The following SLAMF8 variants were observed in gnomAD, a reference collection of about 807,000 sequenced individuals.
SLAMF8 encodes SLAM family member 8.
A neutral mutation model predicts 29.0 loss-of-function variants in SLAMF8; 23 were observed. The observed-to-expected ratio is 0.79, with a 90% CI of 0.57 to 1.13. The LOEUF is 1.13. Ranked by LOEUF, SLAMF8 falls within the 50% of genes most tolerant of loss-of-function variation. The probability of loss-of-function intolerance (pLI) is 0.00; values close to 1 mark genes in which losing one functional copy is unlikely to be tolerated. For synonymous variants in SLAMF8, 139 were observed against 145.6 expected, an observed-to-expected ratio of 0.96 and a Z score of 0.32; for missense variants, 381 against 353.1, an observed-to-expected ratio of 1.08 and a Z score of -0.63.
At position 159,830,013 on chromosome 1, in the gene SLAMF8, T is replaced by C. The variant is rs1488163672; in HGVS notation, c.188T>C (p.Phe63Ser). Residue 63 changes from phenylalanine (F) to serine (S), a missense_variant, in exon 2 of 5, where the codon TTT (phenylalanine) becomes TCT (serine). By Grantham distance (155) the Phe-to-Ser change is radical. Coordinates refer to ENST00000289707, the MANE Select transcript of SLAMF8 (RefSeq NM_020125.3). ...CCTTCAGAAGAGCTCCTGGCCACGTTTTTCCGAGGCTCCCTGGAGACTCTG... is the reference window on the plus strand; with the variant it reads ...CCTTCAGAAGAGCTCCTGGCCACGTCTTTCCGAGGCTCCCTGGAGACTCTG... Reference protein sequence around the residue: ...LWPSEELLATFFRGSLETLYH... With the variant: ...LWPSEELLATSFRGSLETLYH... The C allele has an allele frequency of 6.2e-7, 1 of 1,614,074 alleles. No homozygotes were observed. Among genetic ancestry groups the C allele is most frequent in the East Asian group, 2.2e-5 (1 of 44,890 alleles).
In SLAMF8 at chr1:159,836,328, G is replaced by A; in HGVS notation, c.*1068G>A. The A allele has an allele frequency of 2.0e-6, 2 of 984,216 alleles. No individual in the cohort carries two copies. The highest frequency in any genetic ancestry group is 1.2e-6 in the Non-Finnish European group (1 of 828,824). The allele number at this position is 984,216 out of a possible 1,614,324, so 61.0% of individuals were successfully genotyped here. A position where few individuals can be genotyped will look rare whatever the true frequency, so the allele number is the denominator to read the frequency against. On this transcript the variant is annotated 3_prime_UTR_variant, in exon 5 of 5. Coordinates refer to ENST00000289707, the MANE Select transcript of SLAMF8 (RefSeq NM_020125.3). ...ACAGCCCAACAGCAGGACTGTAGAG[G>A]TCACTCTGACTCCATCAAACTTTTT...
At chr1:159,833,540 T>A (rs1277950171) in intron 4 of SLAMF8, among the ~76,000 whole-genome samples, 171 bp downstream of exon 4, 1 of 152,182 alleles carries the variant, frequency 6.6e-6, no homozygotes, top group East Asian at 1.9e-4. Context: ...CAGACTCAAC[T>A]ACTTGAAGTC....
chr1:159,828,417 G>A (rs867568309), intron 1 of SLAMF8, among the ~76,000 whole-genome samples: 16 of 152,286 alleles, frequency 1.1e-4, no homozygotes, highest in Middle Eastern at 3.4e-3. Context: ...TGAGGCAGAG[G>A]GGGACCGGAA....
chr1:159,827,054 G>A, intron 1 of SLAMF8, 116 bp downstream of exon 1: 1 of 1,296,618 alleles, frequency 7.7e-7, no homozygotes, highest in South Asian at 1.2e-5. Flanking sequence ...AGAAGCTGAG[G>A]GTGGGTAGGA....
intron 1 of SLAMF8, among the ~76,000 whole-genome samples, chr1:159,828,999 G>A (rs571443173): frequency 3.9e-4 from 60 of 152,202 alleles, no homozygotes; most frequent in African/African-American, 1.1e-3. Flanking sequence ...CCTGGGAGCC[G>A]TCCTCGACTC....
At chr1:159,831,348 G>A (rs764734960) in intron 2 of SLAMF8, among the ~76,000 whole-genome samples, 10 of 151,826 alleles carry the variant, frequency 6.6e-5, no homozygotes, top group Non-Finnish European at 1.2e-4. Flanking sequence ...GTCCTTGGGC[G>A]AGCCACTCAG....
intron 1 of SLAMF8, 57 bp from the exon 2 acceptor site, chr1:159,829,809 C>CA (rs11422063): frequency 0.83 from 1,267,390 of 1,530,614 alleles, 526,147 homozygotes; most frequent in African/African-American, 0.97. Flanking sequence ...CAGATGCATG[C>CA]AAAGAAGGAT....
intron 1 of SLAMF8, among the ~76,000 whole-genome samples, 199 bp from the exon 2 acceptor site, chr1:159,829,667 T>C: frequency 6.6e-6 from 1 of 152,242 alleles, no homozygotes; most frequent in East Asian, 1.9e-4. Flanking sequence ...TCTGGCTTCC[T>C]CTGTAAGTTC....
intron 4 of SLAMF8, among the ~76,000 whole-genome samples, chr1:159,834,178 G>A (rs570362866): frequency 1.3e-3 from 191 of 152,324 alleles, no homozygotes; most frequent in Admixed American, 4.1e-3. Context: ...CCAGGCTGTC[G>A]GAGCTGGCTT....
rs1160380834 is a variant in SLAMF8 at position 159,830,423 on chromosome 1, C to T, written c.367+231C>T. Among the ~76,000 whole-genome samples, 3 of 152,346 alleles carry T rather than the reference C, an allele frequency of 2.0e-5. No individual in the cohort carries two copies. In the East Asian group the frequency reaches 5.8e-4, roughly 29 times the overall value. ...GTGCTTGCCTGAACTCTAGCTCAGT[C>T]TTTTCTTGGCTCAGTGGCCTTGGAC... On this transcript the variant is annotated intron_variant, in intron 2 of 4. Transcript: ENST00000289707.
In SLAMF8 at chr1:159,835,992, T is replaced by G. The variant is rs1647900335; in HGVS notation, c.*732T>G. 1 of 985,292 alleles carries G rather than the reference T, an allele frequency of 1.0e-6. No homozygotes were observed. Among genetic ancestry groups the G allele is most frequent in the Admixed American group, 6.2e-5 (1 of 16,252 alleles). 61.0% of individuals were successfully genotyped at this position (985,292 alleles called of 1,614,324 possible). On this transcript the variant is annotated 3_prime_UTR_variant, in exon 5 of 5. Transcript: ENST00000289707. Reference sequence around the variant, plus strand: ...AGACATCCTCACCATCTCCATCCGCTCTCACGCCTCCTGCAGGATCTGGGA... The same window carrying G: ...AGACATCCTCACCATCTCCATCCGCGCTCACGCCTCCTGCAGGATCTGGGA...
At position 159,835,775 on chromosome 1, in the gene SLAMF8, T is replaced by C; in HGVS notation, c.*515T>C. On this transcript the variant is annotated 3_prime_UTR_variant, in exon 5 of 5. Coordinates refer to ENST00000289707, the MANE Select transcript of SLAMF8 (RefSeq NM_020125.3). ...CTGATGCTTCCTGAGGGCCAAGGCA[T>C]TGCTGTAAGAAAAGGTCTAGAAATA... is the stretch of plus-strand genomic sequence containing the variant. 1.0e-6 allele frequency: 1 copy of C among 985,606 alleles called. No individual in the cohort carries two copies. The highest frequency in any genetic ancestry group is 1.2e-6 in the Non-Finnish European group (1 of 830,084). 61.1% of individuals were successfully genotyped at this position (985,606 alleles called of 1,614,324 possible).
Position 159,835,284 on chromosome 1 carries a change from G to A in SLAMF8, c.*24G>A. The A allele has an allele frequency of 1.9e-6, 3 of 1,610,184 alleles. No homozygotes were observed. The highest frequency in any genetic ancestry group is 2.5e-6 in the Non-Finnish European group (3 of 1,178,858). ...AAAGGACAATATGAACTGATGCCTGGACTATCAGTAACCCCACTGCACAGG... is the reference window on the plus strand; with the variant it reads ...AAAGGACAATATGAACTGATGCCTGAACTATCAGTAACCCCACTGCACAGG... On this transcript the variant is annotated 3_prime_UTR_variant, in exon 5 of 5. Coordinates refer to ENST00000289707, the MANE Select transcript of SLAMF8 (RefSeq NM_020125.3).
chr1:159,833,463 G>A (rs1647655154), intron 4 of SLAMF8, 94 bp downstream of exon 4: 2 of 1,572,730 alleles, frequency 1.3e-6, no homozygotes, highest in African/African-American at 2.7e-5. Flanking sequence ...GCTTCAGATG[G>A]TCTGCCCCTT....
chr1:159,829,889 G>A lies in SLAMF8; in HGVS notation c.64G>A (p.Gly22Ser). ...AGCCCTACTTCCCATTACAGTTACT[G>A]GTGCCCAAGTGCTGAGCAAAGTCGG... ...WEALLPITVTGAQVLSKVGGS... is the reference protein window; with the variant it reads ...WEALLPITVTSAQVLSKVGGS... The change falls in exon 2 of 5, where the codon GGT becomes AGT. Residue 22 changes from glycine (G) to serine (S), a missense_variant. Transcript: ENST00000289707. 6.2e-7 allele frequency: 1 copy of A among 1,612,470 alleles called. No individual in the cohort carries two copies. Among genetic ancestry groups the A allele is most frequent in the Non-Finnish European group, 8.5e-7 (1 of 1,179,084 alleles).
In SLAMF8 at chr1:159,836,893, A is replaced by C. The variant is rs1647982403; in HGVS notation, c.*1633A>C. The stretch of plus-strand genomic sequence containing the variant: ...CCTGAACAGGGTCCATGGCCACTCA[A>C]CCTGTCAGCTTGCACCATCCCCACC... On this transcript the variant is annotated 3_prime_UTR_variant, in exon 5 of 5. Coordinates refer to ENST00000289707, the MANE Select transcript of SLAMF8 (RefSeq NM_020125.3). The C allele has an allele frequency of 1.0e-6, 1 of 985,440 alleles. No homozygotes were observed. Among genetic ancestry groups the C allele is most frequent in the African/African-American group, 1.7e-5 (1 of 57,312 alleles). 61.0% of individuals were successfully genotyped at this position (985,440 alleles called of 1,614,324 possible).
At chr1:159,827,795 A>G (rs1330699518) in intron 1 of SLAMF8, among the ~76,000 whole-genome samples, 3 of 152,220 alleles carry the variant, frequency 2.0e-5, no homozygotes, top group East Asian at 3.9e-4. Flanking sequence ...CTTAACCTCA[A>G]AAAAGGCCTT....
chr1:159,837,443 T>G lies in SLAMF8; in HGVS notation c.*2183T>G, dbSNP rs924873952. 2.8e-5 allele frequency: 9 copies of G among 322,288 alleles called. No homozygotes were observed. Among genetic ancestry groups the G allele is most frequent in the Non-Finnish European group, 8.9e-6 (2 of 223,578 alleles). The allele number at this position is 322,288 out of a possible 1,614,324, so 20.0% of individuals were successfully genotyped here. ...GGAATCAGTAGTCAAGCGAAACCCT[T>G]GCCTTTGAGAGTTTATGGTCTGGAT... is the stretch of plus-strand genomic sequence containing the variant. On this transcript the variant is annotated 3_prime_UTR_variant, in exon 5 of 5. Coordinates refer to ENST00000289707, the MANE Select transcript of SLAMF8 (RefSeq NM_020125.3).
At chr1:159,832,015 A>G (rs1647521055) in intron 2 of SLAMF8, among the ~76,000 whole-genome samples, 1 of 152,184 alleles carries the variant, frequency 6.6e-6, no homozygotes, top group Non-Finnish European at 1.5e-5. Context: ...TCAGAGACTG[A>G]GCCCTCCTGT....
Sources: gnomAD v4.1 joint callset for allele counts (sites outside exome capture counted in the v4.1 genomes callset) on GRCh38, gnomAD v4.1.1 for gene constraint, MANE v1.5 for transcripts, NCBI Gene and HGNC (gene_info 2026-07-23, HGNC 2026-07-21) for gene names.